Variants in DOK5 observed in about 807,000 individuals in gnomAD.
DOK5 encodes downstream of tyrosine kinase 5.
DOK5 carries 27 observed loss-of-function variants against 43.3 expected under a neutral mutation model. That is an observed-to-expected ratio of 0.62 (90% CI 0.46 to 0.86). The LOEUF (loss-of-function observed/expected upper bound fraction) is 0.86, where lower values mean the gene tolerates loss of function less well. Ranked by LOEUF, DOK5 falls within the 40% of genes least tolerant of loss-of-function variation. The probability of loss-of-function intolerance (pLI) is 0.00; values close to 1 mark genes in which losing one functional copy is unlikely to be tolerated. For synonymous variants in DOK5, 146 were observed against 140.1 expected (o/e 1.04, Z -0.30); for missense variants, 373 against 392.9 (o/e 0.95, Z 0.43).
chr20:54,570,696 T>C (rs1319796930), intron 2 of DOK5, among the ~76,000 whole-genome samples: 1 of 152,190 alleles, frequency 6.6e-6, no homozygotes, highest in East Asian at 1.9e-4. Flanking sequence ...ACATAGTTGA[T>C]ATCCCCACAA....
At chr20:54,597,834 G>A (rs951549100) in intron 5 of DOK5, among the ~76,000 whole-genome samples, 35 of 152,214 alleles carry the variant, frequency 2.3e-4, no homozygotes, top group African/African-American at 7.2e-4. Context: ...AGCTAAGGGA[G>A]AGAAAGCATG....
chr20:54,498,666 T>C (rs755040919), intron 1 of DOK5, among the ~76,000 whole-genome samples: 2 of 152,210 alleles, frequency 1.3e-5, no homozygotes, highest in African/African-American at 2.4e-5. Flanking sequence ...TTACATTCAA[T>C]ATTTAAGGGC....
rs1985689937 is a variant in DOK5 at position 54,583,057 on chromosome 20, A to G, written c.175-5426A>G. On this transcript the variant is annotated intron_variant, in intron 2 of 7. Coordinates refer to ENST00000262593, the MANE Select transcript of DOK5 (RefSeq NM_018431.5). ...TTTGCTACCTCACACAAATTTCGGT[A>G]TGCTGTGTATTTGTTTTCATTCAGC... Among the ~76,000 whole-genome samples the G allele has an allele frequency of 2.6e-5, 4 of 151,964 alleles. No individual in the cohort carries two copies. The South Asian group carries it at 8.3e-4, about 32-fold the overall frequency.
chr20:54,583,234 C>T (rs778960792), intron 2 of DOK5, among the ~76,000 whole-genome samples: 1 of 151,838 alleles, frequency 6.6e-6, no homozygotes, highest in Non-Finnish European at 1.5e-5. Context: ...GGGAAAGATA[C>T]TTAATTCTGT....
At chr20:54,541,841 T>G (rs1015071846) in intron 1 of DOK5, among the ~76,000 whole-genome samples, 2 of 152,130 alleles carry the variant, frequency 1.3e-5, no homozygotes, top group African/African-American at 4.8e-5. Context: ...TTCTTTATTC[T>G]CCCTTTAACA....
intron 6 of DOK5, among the ~76,000 whole-genome samples, chr20:54,632,081 A>G (rs1372284449): frequency 1.3e-5 from 2 of 152,316 alleles, no homozygotes; most frequent in East Asian, 1.9e-4. Flanking sequence ...AGACCCAAAG[A>G]TAGAGCTGTC....
chr20:54,487,229 A>G (rs1981972133), intron 1 of DOK5, among the ~76,000 whole-genome samples: 1 of 152,172 alleles, frequency 6.6e-6, no homozygotes, highest in Admixed American at 6.6e-5. Flanking sequence ...AAAAAGTATT[A>G]TTTATTGTCC....
intron 1 of DOK5, among the ~76,000 whole-genome samples, chr20:54,547,420 A>G (rs944014020): frequency 6.6e-6 from 1 of 152,216 alleles, no homozygotes; most frequent in African/African-American, 2.4e-5. Flanking sequence ...CTTTAGAAGT[A>G]TAATTGTTAC....
intron 5 of DOK5, among the ~76,000 whole-genome samples, chr20:54,600,638 G>C (rs1451575738): frequency 2.0e-5 from 3 of 152,136 alleles, no homozygotes; most frequent in Non-Finnish European, 4.4e-5. Context: ...ATGGAGCATT[G>C]CCTACCTACA....
At chr20:54,613,613 G>A (rs1403001367) in intron 6 of DOK5, among the ~76,000 whole-genome samples, 6 of 152,106 alleles carry the variant, frequency 3.9e-5, no homozygotes, top group African/African-American at 1.2e-4. Flanking sequence ...GCAAGAAAAT[G>A]TCTATATATT....
At chr20:54,484,279 C>T (rs140181167) in intron 1 of DOK5, among the ~76,000 whole-genome samples, 2 of 151,508 alleles carry the variant, frequency 1.3e-5, no homozygotes, top group African/African-American at 4.9e-5. Context: ...CTCAGGGGGC[C>T]GAGGCAGGAG....
Position 54,588,617 on chromosome 20 carries a change from G to C in DOK5, c.289+20G>C, listed in dbSNP as rs1166459343. 2 of 1,613,836 alleles carry C rather than the reference G, an allele frequency of 1.2e-6. No individual in the cohort carries two copies. Among genetic ancestry groups the C allele is most frequent in the Non-Finnish European group, 1.7e-6 (2 of 1,179,898 alleles). On this transcript the variant is annotated intron_variant, in intron 3 of 7. Transcript: ENST00000262593. ...AATCAGGTTTGTCTCAGGCAGGGCT[G>C]GGGGGCTTTTGCTTTTAGATTCTGA... is the stretch of plus-strand genomic sequence containing the variant.
intron 6 of DOK5, among the ~76,000 whole-genome samples, chr20:54,626,456 T>C (rs1253823170): frequency 6.6e-6 from 1 of 152,146 alleles, no homozygotes; most frequent in Non-Finnish European, 1.5e-5. Flanking sequence ...TATTTATTTT[T>C]ACATAAACAC....
intron 2 of DOK5, among the ~76,000 whole-genome samples, chr20:54,580,146 AT>A (rs1985591103): frequency 6.6e-6 from 1 of 152,156 alleles, no homozygotes; most frequent in African/African-American, 2.4e-5. Context: ...TGCATGGTGT[AT>A]ATGTTCCACA....
intron 1 of DOK5, among the ~76,000 whole-genome samples, chr20:54,496,112 T>G (rs1255567322): frequency 6.6e-6 from 1 of 152,192 alleles, no homozygotes; most frequent in East Asian, 1.9e-4. Context: ...CAGATGAAGT[T>G]GAATATTATA....
intron 1 of DOK5, among the ~76,000 whole-genome samples, chr20:54,550,662 G>A (rs552300901): frequency 6.6e-5 from 10 of 152,192 alleles, no homozygotes; most frequent in Admixed American, 5.9e-4. Flanking sequence ...AGATTTGGCT[G>A]TTTTTTTCAC....
chr20:54,594,357 A>G (rs187503451), intron 5 of DOK5, among the ~76,000 whole-genome samples: 3 of 152,192 alleles, frequency 2.0e-5, no homozygotes, highest in Admixed American at 2.0e-4. Flanking sequence ...TTGCCAATAC[A>G]CTCCAGCCTG....
intron 1 of DOK5, among the ~76,000 whole-genome samples, chr20:54,507,591 G>T (rs965325204): frequency 1.3e-5 from 2 of 152,180 alleles, no homozygotes; most frequent in Admixed American, 1.3e-4. Flanking sequence ...GCTGATGGTG[G>T]TTGTCACATT....
chr20:54,488,539 A>G (rs932507459), intron 1 of DOK5, among the ~76,000 whole-genome samples: 21 of 152,208 alleles, frequency 1.4e-4, no homozygotes, highest in African/African-American at 4.3e-4. Flanking sequence ...GTTTCTATAT[A>G]CATTTTTTTC....
Sources: gnomAD v4.1 joint callset for allele counts (sites outside exome capture counted in the v4.1 genomes callset) on GRCh38, gnomAD v4.1.1 for gene constraint, MANE v1.5 for transcripts, NCBI Gene and HGNC (gene_info 2026-07-23, HGNC 2026-07-21) for gene names.